The following TBX15 variants were observed in gnomAD, a reference collection of about 807,000 sequenced individuals.
TBX15 encodes the protein T-box transcription factor TBX15.
In TBX15, 18 loss-of-function variants were observed where a neutral mutation model predicts 53.9. The ratio of observed to expected loss-of-function variants is 0.33; its 90% CI spans 0.23 to 0.49. The LOEUF (loss-of-function observed/expected upper bound fraction) is 0.49, where lower values mean the gene tolerates loss of function less well. Ranked by LOEUF, TBX15 falls within the 20% of genes least tolerant of loss-of-function variation. TBX15 has a pLI of 0.98. For missense variants in TBX15, 692 were observed against 749.5 expected (o/e 0.92, Z 0.90); for synonymous variants, 295 against 278.0 (o/e 1.06, Z -0.61).
intron 7 of TBX15, among the ~76,000 whole-genome samples, chr1:118,896,865 A>G (rs574498379): frequency 6.6e-6 from 1 of 152,190 alleles, no homozygotes. Context: ...ACCAAGCCAC[A>G]TATTTTTTAA....
chr1:118,928,816 C>T (rs1273307375), intron 2 of TBX15, among the ~76,000 whole-genome samples: 2 of 152,192 alleles, frequency 1.3e-5, no homozygotes, highest in East Asian at 1.9e-4. Context: ...CTTTCCAGTA[C>T]CTGACTTCTA....
chr1:118,919,993 T>TA (rs536958684), intron 5 of TBX15, among the ~76,000 whole-genome samples: 1 of 152,174 alleles, frequency 6.6e-6, no homozygotes, highest in Non-Finnish European at 1.5e-5. Flanking sequence ...CAGTGGACCA[T>TA]AAAAAACTTC....
At chr1:118,977,476 C>A (rs73009553) in intron 1 of TBX15, among the ~76,000 whole-genome samples, 1,849 of 152,186 alleles carry the variant, frequency 0.012, 41 homozygotes, top group African/African-American at 0.042. Context: ...AGGACAAGGT[C>A]ATTGGCCTAC....
chr1:118,931,495 G>C, intron 2 of TBX15, 124 bp downstream of exon 2: 3 of 984,100 alleles, frequency 3.0e-6, no homozygotes, highest in South Asian at 2.8e-5. Context: ...CAAATGCAGA[G>C]AAGTGAGTGC....
At chr1:118,976,093 A>G (rs1227903631) in intron 1 of TBX15, among the ~76,000 whole-genome samples, 4 of 152,168 alleles carry the variant, frequency 2.6e-5, no homozygotes, top group Admixed American at 6.5e-5. Context: ...AAAGTAGTAA[A>G]TGATCAAATC....
At chr1:118,893,485 G>GAAA (rs1553218199) in intron 7 of TBX15, among the ~76,000 whole-genome samples, 38 of 72,120 alleles carry the variant, frequency 5.3e-4, no homozygotes, top group South Asian at 4.8e-3. Flanking sequence ...AAGGAAGGAA[G>GAAA]GAAAGAAAGA....
chr1:118,951,607 G>A (rs1416597354), intron 1 of TBX15, among the ~76,000 whole-genome samples: 1 of 152,164 alleles, frequency 6.6e-6, no homozygotes, highest in African/African-American at 2.4e-5. Flanking sequence ...GCAACCACAG[G>A]TGCCTTTTTC....
chr1:118,928,367 T>G (rs2101605105), intron 2 of TBX15, among the ~76,000 whole-genome samples: 1 of 152,354 alleles, frequency 6.6e-6, no homozygotes, highest in East Asian at 1.9e-4. Context: ...CTCACAATTT[T>G]TATTTAAAGG....
In TBX15 at chr1:118,884,684, A is replaced by C. The variant is rs777452049; in HGVS notation, c.*48T>G. Reference sequence around the variant, plus strand: ...CAAAGAGGAGGATCTGACCACGGAGACTCTGGGGCCTTGATTGCCAAATGC... The same window carrying C: ...CAAAGAGGAGGATCTGACCACGGAGCCTCTGGGGCCTTGATTGCCAAATGC... On this transcript the variant is annotated 3_prime_UTR_variant, in exon 8 of 8. Coordinates refer to ENST00000369429, the MANE Select transcript of TBX15 (RefSeq NM_001330677.2). 3 of 1,610,354 alleles carry C rather than the reference A, an allele frequency of 1.9e-6. No homozygotes were observed.
chr1:118,884,894 G>A lies in TBX15; in HGVS notation c.1647C>T (p.Asn549=), dbSNP rs1653873291. 4.3e-6 allele frequency: 7 copies of A among 1,614,082 alleles called. No individual in the cohort carries two copies. Among genetic ancestry groups the A allele is most frequent in the African/African-American group, 2.7e-5 (2 of 74,930 alleles). ...GGTACTGCCTCTCTCCAAAGGCCCC[G>A]TTGGAAGGAGAAGAACAGAGTAAAG... The part of the protein sequence containing the change: ...QSTLLCSSPS[N]GAFGERQYLP... Residue 549 remains asparagine, a synonymous_variant, in exon 8 of 8, where the codon AAC becomes AAT. Coordinates refer to ENST00000369429, the MANE Select transcript of TBX15 (RefSeq NM_001330677.2).
At chr1:118,970,802 C>T (rs1212999351) in intron 1 of TBX15, among the ~76,000 whole-genome samples, 1 of 152,146 alleles carries the variant, frequency 6.6e-6, no homozygotes, top group Non-Finnish European at 1.5e-5. Flanking sequence ...TTTCTCCTTC[C>T]TTCTCCTGAC....
chr1:118,922,835 G>T (rs1325456177), intron 5 of TBX15, among the ~76,000 whole-genome samples: 1 of 152,140 alleles, frequency 6.6e-6, no homozygotes, highest in Non-Finnish European at 1.5e-5. Context: ...CTCTGTAACT[G>T]ATCTCAATGA....
At chr1:118,941,152 G>A (rs529012094) in intron 1 of TBX15, among the ~76,000 whole-genome samples, 5 of 152,126 alleles carry the variant, frequency 3.3e-5, no homozygotes, top group South Asian at 2.1e-4. Context: ...CACCACCTCC[G>A]ACATCAGCCA....
chr1:118,884,716 G>GTAT lies in TBX15; in HGVS notation c.*15_*16insATA, dbSNP rs1377267887. On this transcript the variant is annotated 3_prime_UTR_variant, in exon 8 of 8. Coordinates refer to ENST00000369429, the MANE Select transcript of TBX15 (RefSeq NM_001330677.2). ...GGCCTTGATTGCCAAATGCTCCGTG[G>GTAT]TGTTTGGACTGGCCTTTAAACCATG... 1.2e-6 allele frequency: 2 copies of GTAT among 1,613,910 alleles called. No homozygotes were observed. The highest frequency in any genetic ancestry group is 2.2e-5 in the South Asian group (2 of 91,068).
chr1:118,905,499 T>C (rs926664677), intron 6 of TBX15, among the ~76,000 whole-genome samples: 1 of 152,156 alleles, frequency 6.6e-6, no homozygotes, highest in African/African-American at 2.4e-5. Context: ...CCAAAGAATA[T>C]GATAAACAGC....
intron 5 of TBX15, among the ~76,000 whole-genome samples, chr1:118,917,337 A>G (rs1032478336): frequency 1.3e-5 from 2 of 152,194 alleles, no homozygotes; most frequent in Non-Finnish European, 2.9e-5. Flanking sequence ...CAAACACCAC[A>G]TGTTCTCTCT....
intron 1 of TBX15, among the ~76,000 whole-genome samples, chr1:118,969,377 A>C (rs1160955537): frequency 6.6e-6 from 1 of 152,224 alleles, no homozygotes; most frequent in Non-Finnish European, 1.5e-5. Flanking sequence ...GGAAGCCTAT[A>C]AGAGAATTCT....
At chr1:118,921,789 T>C (rs958981620) in intron 5 of TBX15, among the ~76,000 whole-genome samples, 1 of 152,216 alleles carries the variant, frequency 6.6e-6, no homozygotes, top group Non-Finnish European at 1.5e-5. Flanking sequence ...TTTTTTTCTC[T>C]TTACTATTTC....
At chr1:118,920,688 C>T (rs778398839) in intron 5 of TBX15, among the ~76,000 whole-genome samples, 21 of 152,164 alleles carry the variant, frequency 1.4e-4, no homozygotes, top group Non-Finnish European at 2.5e-4. Context: ...GCTTGTGAGA[C>T]ATTAAGCTTG....
Sources: gnomAD v4.1 joint callset for allele counts (sites outside exome capture counted in the v4.1 genomes callset) on GRCh38, gnomAD v4.1.1 for gene constraint, MANE v1.5 for transcripts, NCBI Gene and HGNC (gene_info 2026-07-23, HGNC 2026-07-21) for gene names.